PRRC2A: variants seen among roughly 807,000 people sequenced by gnomAD.
PRRC2A encodes proline rich coiled-coil 2A, also known as protein PRRC2A.
In PRRC2A, 59 loss-of-function variants were observed where a neutral mutation model predicts 224.6. That is an observed-to-expected ratio of 0.26 (90% CI 0.21 to 0.33). The LOEUF is 0.33. Among genes scored for constraint, PRRC2A ranks in the 10% least tolerant of loss-of-function variants. The pLI is 1.00. For synonymous variants in PRRC2A, 1,194 were observed against 1,109.5 expected, an observed-to-expected ratio of 1.08 and a Z score of -1.51; for missense variants, 3,095 against 2,880.7, an observed-to-expected ratio of 1.07 and a Z score of -1.70.
At chr6:31,634,440 A>C (rs1326246609) in intron 19 of PRRC2A, 32 bp from the exon 20 acceptor site, 1 of 1,612,454 alleles carries the variant, frequency 6.2e-7, no homozygotes, top group Non-Finnish European at 8.5e-7. Context: ...TCATCTCCTC[A>C]CTTCTCTTCT....
rs937295093 is a variant in PRRC2A, at chr6:31,632,276, T to C, written c.3603T>C (p.Pro1201=). 1 of 1,612,928 alleles carries C rather than the reference T, an allele frequency of 6.2e-7. No homozygotes were observed. Among genetic ancestry groups the C allele is most frequent in the African/African-American group, 1.3e-5 (1 of 74,892 alleles). ...CTCCCAAGAAACCTCCCACAGGCCC[T>C]TTGCCACCAAGTAAGGAGCCTTTGA... The part of the protein sequence containing the change: ...SLAPKKPPTG[P]LPPSKEPLKE... Residue 1201 remains proline, a synonymous_variant, in exon 16 of 31, where the codon CCT becomes CCC. Transcript: ENST00000376033.
At position 31,633,996 on chromosome 6, in the gene PRRC2A, G is replaced by C; in HGVS notation, c.4719+7G>C. 1 of 1,604,246 alleles carries C rather than the reference G, an allele frequency of 6.2e-7. No individual in the cohort carries two copies. The highest frequency in any genetic ancestry group is 8.5e-7 in the Non-Finnish European group (1 of 1,177,816). On this transcript the variant is annotated splice_region_variant and intron_variant, in intron 18 of 30. Transcript: ENST00000376033. Reference sequence around the variant, plus strand: ...ACCAGAGCTGCTACAGGAGGTAAGGGATGGGTTTGAGATTGTGCTTCACTG... The same window carrying C: ...ACCAGAGCTGCTACAGGAGGTAAGGCATGGGTTTGAGATTGTGCTTCACTG...
At chr6:31,628,263 A>G (rs1406312046) in intron 12 of PRRC2A, 24 bp downstream of exon 12, 11 of 1,589,556 alleles carry the variant, frequency 6.9e-6, no homozygotes, top group Non-Finnish European at 6.8e-6. Flanking sequence ...GATAGGTACT[A>G]CCAGATGTCA....
chr6:31,633,877 C>CG lies in PRRC2A; in HGVS notation c.4611dup (p.Pro1538AlafsTer17). 1 of 1,001,220 alleles carries CG rather than the reference C, an allele frequency of 1.0e-6. No homozygotes were observed. Among genetic ancestry groups the CG allele is most frequent in the Non-Finnish European group, 1.4e-6 (1 of 707,704 alleles). The allele number at this position is 1,001,220 out of a possible 1,614,324, so 62.0% of individuals were successfully genotyped here. A position where few individuals can be genotyped will look rare whatever the true frequency, so the allele number is the denominator to read the frequency against. On this transcript the variant is annotated frameshift_variant, in exon 18 of 31. Transcript: ENST00000376033. LOFTEE classifies it high-confidence loss of function. ...TTCCCAGACCCCCACTTTGAGGAGC[C>CG]GGGGCCAATGGTGAGAGGGGTGGGT...
Position 31,632,339 on chromosome 6 carries a change from G to A in PRRC2A, c.3666G>A (p.Ala1222=), listed in dbSNP as rs757827180. 102 of 1,613,300 alleles carry A rather than the reference G, an allele frequency of 6.3e-5. No homozygotes were observed. Among genetic ancestry groups the A allele is most frequent in the Middle Eastern group, 1.6e-4 (1 of 6,084 alleles). Residue 1222 remains alanine, a synonymous_variant, in exon 16 of 31, where the codon GCG becomes GCA. Coordinates refer to ENST00000376033, the MANE Select transcript of PRRC2A (RefSeq NM_004638.4). The stretch of plus-strand genomic sequence containing the variant: ...TCCCAGGGCCTCTGTCCCCTGTGGC[G>A]CGCGGAGGCAGCAATGGAGGTAGCA... The part of the protein sequence containing the change: ...KLIPGPLSPV[A]RGGSNGGSNV...
rs755449521 is a variant in PRRC2A, at chr6:31,625,388, C to T, written c.608-72C>T. 1 of 1,612,682 alleles carries T rather than the reference C, an allele frequency of 6.2e-7. No individual in the cohort carries two copies. Among genetic ancestry groups the T allele is most frequent in the Non-Finnish European group, 8.5e-7 (1 of 1,178,640 alleles). ...TAGGTGCTGGCTTATTCACCTTCCT[C>T]CCCATCACTTTCAGCTGTGTTCACT... On this transcript the variant is annotated intron_variant, in intron 6 of 30. Coordinates refer to ENST00000376033, the MANE Select transcript of PRRC2A (RefSeq NM_004638.4). This position sits in a 1 kb window ranked among gnomAD's most constrained non-coding sequence, Gnocchi z 4.1.
rs1368317457 is a variant in PRRC2A, at chr6:31,637,254, C to T, written c.6263C>T (p.Ser2088Phe). The T allele has an allele frequency of 6.2e-7, 1 of 1,612,254 alleles. No homozygotes were observed. The highest frequency in any genetic ancestry group is 8.5e-7 in the Non-Finnish European group (1 of 1,179,284). ...CTTAGGTCCTTCTCTGGCCTCAATTCCCGTCTCAAGGCCACGCCTTCCACC... is the reference window on the plus strand; with the variant it reads ...CTTAGGTCCTTCTCTGGCCTCAATTTCCGTCTCAAGGCCACGCCTTCCACC... The part of the protein sequence containing the change: ...PTGRSFSGLN[S>F]RLKATPSTYS... The change falls in exon 30 of 31, where the codon TCC becomes TTC. Residue 2088 changes from serine to phenylalanine, a missense_variant. Ser to Phe is a radical substitution (Grantham distance 155). Around this residue, in one of 8 missense-constraint regions of PRRC2A, gnomAD observed 662 missense variants for 609.5 expected, o/e 1.09. Coordinates refer to ENST00000376033, the MANE Select transcript of PRRC2A (RefSeq NM_004638.4).
Position 31,632,019 on chromosome 6 carries a change from G to A in PRRC2A, c.3346G>A (p.Asp1116Asn). 6.2e-7 allele frequency: 1 copy of A among 1,604,844 alleles called. No individual in the cohort carries two copies. Among genetic ancestry groups the A allele is most frequent in the South Asian group, 1.1e-5 (1 of 90,342 alleles). The change falls in exon 16 of 31, where the codon GAT becomes AAT. Residue 1116 changes from aspartate to asparagine, a missense_variant. Physicochemically the swap from Asp to Asn is conservative, Grantham distance 23 (BLOSUM62 1). This residue lies in a region of PRRC2A where 2,001 missense variants were observed against 1,764.9 expected (regional missense o/e 1.13). Coordinates refer to ENST00000376033, the MANE Select transcript of PRRC2A (RefSeq NM_004638.4). ...SETGSETHES[D>N]LAPSDKEAPT... ...AACAGGCAGCGAGACCCATGAGAGT[G>A]ATCTGGCTCCTTCAGACAAGGAGGC...
rs762715803 is a variant in PRRC2A, at chr6:31,625,427, T to C, written c.608-33T>C. 3 of 1,609,450 alleles carry C rather than the reference T, an allele frequency of 1.9e-6. No individual in the cohort carries two copies. Among genetic ancestry groups the C allele is most frequent in the Admixed American group, 1.7e-5 (1 of 59,974 alleles). ...GCTGTGTTCACTTGTCCTCCAATCA[T>C]TGATACCTCTCTCTACCTTTTCCAA... On this transcript the variant is annotated intron_variant, in intron 6 of 30. Coordinates refer to ENST00000376033, the MANE Select transcript of PRRC2A (RefSeq NM_004638.4). This position sits in a 1 kb window ranked among gnomAD's most constrained non-coding sequence, Gnocchi z 4.1.
Position 31,632,045 on chromosome 6 carries a change from T to C in PRRC2A, c.3372T>C (p.Ala1124=), listed in dbSNP as rs1156432329. The C allele has an allele frequency of 6.3e-7, 1 of 1,587,168 alleles. No homozygotes were observed. Among genetic ancestry groups the C allele is most frequent in the Non-Finnish European group, 8.6e-7 (1 of 1,164,512 alleles). ...ATCTGGCTCCTTCAGACAAGGAGGC[T>C]CCCACACCCAAGGAGGGAACACTCA... ...ESDLAPSDKE[A]PTPKEGTLTQ... is the part of the protein sequence containing the mutation. Residue 1124 remains alanine, a synonymous_variant, in exon 16 of 31, where the codon GCT becomes GCC. Coordinates refer to ENST00000376033, the MANE Select transcript of PRRC2A (RefSeq NM_004638.4).
rs1776814455 is a variant in PRRC2A, at chr6:31,632,827, T to G, written c.4154T>G (p.Phe1385Cys). The change falls in exon 16 of 31, where the codon TTC becomes TGC. Residue 1385 changes from phenylalanine (F) to cysteine (C), a missense_variant. By Grantham distance (205) the Phe-to-Cys change is radical (BLOSUM62 -2). Transcript: ENST00000376033. ...QRAKDLSKRS[F>C]SSQRPGMERQ... ...GCCAAGGATTTGAGTAAACGGAGCT[T>G]CTCAAGTCAGCGGCCAGGCATGGAA... is the stretch of plus-strand genomic sequence containing the variant. The G allele has an allele frequency of 6.2e-7, 1 of 1,612,942 alleles. No individual in the cohort carries two copies.
intron 16 of PRRC2A, 124 bp from the exon 17 acceptor site, chr6:31,633,255 G>T: frequency 7.2e-7 from 1 of 1,379,732 alleles, no homozygotes; most frequent in Non-Finnish European, 9.9e-7. Flanking sequence ...TCCTTAGAAG[G>T]ACTCAAAAAC....
At chr6:31,633,356 A>G in intron 16 of PRRC2A, 23 bp from the exon 17 acceptor site, 1 of 1,605,204 alleles carries the variant, frequency 6.2e-7, no homozygotes, top group Non-Finnish European at 8.5e-7. Flanking sequence ...TGGATACTGG[A>G]GCTAATGCTC....
In PRRC2A at chr6:31,627,662, T is replaced by G; in HGVS notation, c.1291-103T>G. The G allele has an allele frequency of 2.1e-6, 3 of 1,399,904 alleles. No individual in the cohort carries two copies. Among genetic ancestry groups the G allele is most frequent in the Non-Finnish European group, 2.9e-6 (3 of 1,039,670 alleles). The allele number at this position is 1,399,904 out of a possible 1,614,324, so 86.7% of individuals were successfully genotyped here. A position where few individuals can be genotyped will look rare whatever the true frequency, so the allele number is the denominator to read the frequency against. ...AGAGAGATCAACCCCAAAGCCTGGG[T>G]CGTTGCATCCTGCAAGTAGCGACAG... On this transcript the variant is annotated intron_variant, in intron 11 of 30. Transcript: ENST00000376033. This position sits in a 1 kb window ranked among gnomAD's most constrained non-coding sequence, Gnocchi z 5.6.
At position 31,637,275 on chromosome 6, in the gene PRRC2A, C is replaced by G; in HGVS notation, c.6284C>G (p.Ser2095Cys). ...AATTCCCGTCTCAAGGCCACGCCTT[C>G]CACCTACAGTGGAGTCTTCCGCACC... ...GLNSRLKATP[S>C]TYSGVFRTQR... is the part of the protein sequence containing the mutation. Residue 2095 changes from serine (S) to cysteine (C), a missense_variant, in exon 30 of 31, where the codon TCC becomes TGC. Ser to Cys is a moderately radical substitution (Grantham distance 112). Transcript: ENST00000376033. The G allele has an allele frequency of 6.2e-7, 1 of 1,612,708 alleles. No individual in the cohort carries two copies. Among genetic ancestry groups the G allele is most frequent in the Non-Finnish European group, 8.5e-7 (1 of 1,179,696 alleles).
rs1163472434 is a variant in PRRC2A at position 31,629,824 on chromosome 6, C to T, written c.2233C>T (p.Pro745Ser). The change falls in exon 14 of 31, where the codon CCT (proline) becomes TCT (serine). Residue 745 changes from proline (P) to serine (S), a missense_variant. Around this residue, in one of 8 missense-constraint regions of PRRC2A, gnomAD observed 2,001 missense variants for 1,764.9 expected, o/e 1.13. Transcript: ENST00000376033. ...LQGRPPLDFYPPGVHPSGLVP... is the reference protein window; with the variant it reads ...LQGRPPLDFYSPGVHPSGLVP... ...GGGTCGTCCCCCTCTAGACTTCTAC[C>T]CTCCTGGTGTGCATCCCTCTGGTAA... 1.2e-6 allele frequency: 2 copies of T among 1,613,852 alleles called. No homozygotes were observed. Among genetic ancestry groups the T allele is most frequent in the South Asian group, 1.1e-5 (1 of 91,090 alleles).
At position 31,635,699 on chromosome 6, in the gene PRRC2A, C is replaced by T. The variant is rs768064808; in HGVS notation, c.5491C>T (p.Arg1831Cys). ...CVPEPSSSGQ[R>C]LYPEVFYGSA... ...CCCGGAGCCCAGCTCCTCAGGCCAG[C>T]GCCTGTATCCTGAGGTTTTCTATGG... The change falls in exon 24 of 31, where the codon CGC (arginine) becomes TGC (cysteine). Residue 1831 changes from arginine (R) to cysteine (C), a missense_variant. Arg to Cys is a radical substitution (Grantham distance 180, BLOSUM62 -3). Transcript: ENST00000376033. 2.5e-5 allele frequency: 40 copies of T among 1,610,594 alleles called. No individual in the cohort carries two copies. The highest frequency in any genetic ancestry group is 4.5e-5 in the East Asian group (2 of 44,862).
chr6:31,637,430 CAT>C lies in PRRC2A; in HGVS notation c.6334-15_6334-14del. The stretch of plus-strand genomic sequence containing the variant: ...TCTCACTGTGACTCACTGTTTAACA[CAT>C]GCCTGTCCCCTAGGCCTCCCCACCA... On this transcript the variant is annotated splice_polypyrimidine_tract_variant and intron_variant, in intron 30 of 30. Coordinates refer to ENST00000376033, the MANE Select transcript of PRRC2A (RefSeq NM_004638.4). The C allele has an allele frequency of 3.8e-6, 6 of 1,591,942 alleles. No homozygotes were observed. Among genetic ancestry groups the C allele is most frequent in the Non-Finnish European group, 5.1e-6 (6 of 1,166,870 alleles).
At position 31,627,991 on chromosome 6, in the gene PRRC2A, C is replaced by T; in HGVS notation, c.1517C>T (p.Ala506Val). The T allele has an allele frequency of 6.2e-7, 1 of 1,612,824 alleles. No homozygotes were observed. Among genetic ancestry groups the T allele is most frequent in the Non-Finnish European group, 8.5e-7 (1 of 1,179,986 alleles). The change falls in exon 12 of 31, where the codon GCA becomes GTA. Residue 506 changes from alanine to valine, a missense_variant. Transcript: ENST00000376033. This position sits in a 1 kb window ranked among gnomAD's most constrained non-coding sequence, Gnocchi z 5.6. ...GGGGCACCTGACAAGCGGCTCAAAG[C>T]AGAGCCTGCTGCCCCACCTGCTGCC... The part of the protein sequence containing the change: ...KFGAPDKRLK[A>V]EPAAPPAAPS...
Sources: allele counts gnomAD v4.1 joint callset, GRCh38; gene constraint gnomAD v4.1.1; regional missense constraint gnomAD v4.1.1; non-coding constraint Gnocchi (gnomAD v3.1); transcripts MANE v1.5; gene names NCBI Gene and HGNC (gene_info 2026-07-23, HGNC 2026-07-21).